Variants in PRR33 observed in about 807,000 individuals in gnomAD.
PRR33 encodes the protein proline rich 33, also known as proline-rich protein 33.
PRR33 carries 1 observed loss-of-function variant against 0.5 expected under a neutral mutation model. That is an observed-to-expected ratio of 2.18 (90% CI 0.77 to 10.34). The LOEUF (loss-of-function observed/expected upper bound fraction) is 10.34. Ranked by LOEUF, PRR33 falls within the 30% of genes most tolerant of loss-of-function variation. PRR33 has a pLI of 0.13. For synonymous variants in PRR33, 226 were observed against 110.0 expected, an observed-to-expected ratio of 2.06 and a Z score of -6.60; for missense variants, 552 against 251.8, an observed-to-expected ratio of 2.19 and a Z score of -8.07.
the PRR33 span, chr11:1,903,384 A>G: frequency 6.6e-6 from 1 of 152,012 alleles, no homozygotes; most frequent in East Asian, 1.9e-4. Flanking sequence ...GGGCTTAAGC[A>G]ATCTTCCCAC....
chr11:1,907,473 G>C, the PRR33 span, among the ~76,000 whole-genome samples: 5 of 152,170 alleles, frequency 3.3e-5, no homozygotes, highest in African/African-American at 9.7e-5. Flanking sequence ...GTGCAGTGGC[G>C]CAATCTTGGC....
chr11:1,910,568 C>T, the PRR33 span, among the ~76,000 whole-genome samples: 1 of 152,116 alleles, frequency 6.6e-6, no homozygotes, highest in African/African-American at 2.4e-5. Flanking sequence ...ATTTTCAAGA[C>T]ACCCTTTTAA....
exon 1 of PRR33, chr11:1,889,128 G>T: frequency 1.6e-6 from 1 of 627,824 alleles, no homozygotes. Flanking sequence ...TGGGCTCTGG[G>T]GGCCATTCTG....
the PRR33 span, among the ~76,000 whole-genome samples, chr11:1,900,449 C>T: frequency 1.3e-5 from 2 of 152,034 alleles, no homozygotes; most frequent in African/African-American, 4.8e-5. Flanking sequence ...GAATTTTTAC[C>T]CAGTCCAAAT....
At chr11:1,917,313 C>T in the PRR33 span, among the ~76,000 whole-genome samples, 4,910 of 152,288 alleles carry the variant, frequency 0.032, 259 homozygotes, top group African/African-American at 0.11. Context: ...GGGCCCCGGC[C>T]ACCATCTGGG....
At chr11:1,890,236 T>C in exon 1 of PRR33, 1 of 714,022 alleles carries the variant, frequency 1.4e-6, no homozygotes, top group Non-Finnish European at 2.6e-6. Flanking sequence ...ATGATGGGGG[T>C]GTGCGGGGAG....
At chr11:1,914,247 TAG>T in the PRR33 span, among the ~76,000 whole-genome samples, 220 of 147,356 alleles carry the variant, frequency 1.5e-3, no homozygotes, top group Non-Finnish European at 2.8e-3. Context: ...GTGTGTGTTG[TAG>T]GGTCACACAT....
chr11:1,910,656 G>A, the PRR33 span, among the ~76,000 whole-genome samples: 7 of 152,320 alleles, frequency 4.6e-5, no homozygotes, highest in South Asian at 2.1e-4. Context: ...CGACTTGGGC[G>A]TCCAGTGACA....
the PRR33 span, among the ~76,000 whole-genome samples, chr11:1,898,380 C>T: frequency 4.6e-5 from 7 of 152,196 alleles, no homozygotes; most frequent in African/African-American, 9.6e-5. Context: ...AGATTACAGG[C>T]GCCCGCCATC....
chr11:1,905,976 G>C, the PRR33 span, among the ~76,000 whole-genome samples: 2 of 150,896 alleles, frequency 1.3e-5, no homozygotes, highest in African/African-American at 4.9e-5. Flanking sequence ...ATGCCACCAC[G>C]CCCAGCTAAA....
chr11:1,897,010 A>G, the PRR33 span, among the ~76,000 whole-genome samples: 2 of 152,336 alleles, frequency 1.3e-5, no homozygotes, highest in East Asian at 1.9e-4. This position sits in a 1 kb window ranked among gnomAD's most constrained non-coding sequence, Gnocchi z 4.0. Flanking sequence ...GTGGCTGAAG[A>G]TTGGTGGACA....
chr11:1,915,036 T>A, the PRR33 span, among the ~76,000 whole-genome samples: 3 of 147,610 alleles, frequency 2.0e-5, no homozygotes, highest in Admixed American at 2.0e-4. Flanking sequence ...GACACACGGA[T>A]GATGTTTGTG....
At chr11:1,892,347 T>C (rs916336787), upstream of PRR33, 7 of 152,308 alleles carry the variant, frequency 4.6e-5, no homozygotes, top group African/African-American at 1.4e-4. Flanking sequence ...ATTCCCACAC[T>C]GCACAGCATG....
chr11:1,901,102 G>T, the PRR33 span, among the ~76,000 whole-genome samples: 1 of 152,176 alleles, frequency 6.6e-6, no homozygotes, highest in South Asian at 2.1e-4. Flanking sequence ...ACAAGGTCAG[G>T]AGTTCCAGAC....
the PRR33 span, among the ~76,000 whole-genome samples, chr11:1,915,531 C>G: frequency 5.4e-5 from 4 of 74,252 alleles, no homozygotes; most frequent in African/African-American, 6.0e-5. Context: ...TGGGATGTTT[C>G]TGTGTGTGTG....
the PRR33 span, among the ~76,000 whole-genome samples, chr11:1,902,013 A>G: frequency 6.6e-6 from 1 of 152,022 alleles, no homozygotes; most frequent in Non-Finnish European, 1.5e-5. Flanking sequence ...CGGGTGGATC[A>G]TGAGGTCAGG....
chr11:1,907,409 C>G, the PRR33 span, among the ~76,000 whole-genome samples: 1 of 152,180 alleles, frequency 6.6e-6, no homozygotes, highest in African/African-American at 2.4e-5. Context: ...GCACACATCT[C>G]TCTAGCTTAT....
At chr11:1,905,415 C>A in the PRR33 span, among the ~76,000 whole-genome samples, 3 of 149,000 alleles carry the variant, frequency 2.0e-5, no homozygotes, top group Non-Finnish European at 4.4e-5. Flanking sequence ...GCGTGAGCCA[C>A]CGCGCCCGGC....
At chr11:1,904,729 G>A in the PRR33 span, among the ~76,000 whole-genome samples, 4 of 151,260 alleles carry the variant, frequency 2.6e-5, no homozygotes, top group African/African-American at 9.7e-5. Context: ...GGCTAGTCTC[G>A]AACTCCTGAC....
Sources: gnomAD v4.1 joint callset for allele counts (sites outside exome capture counted in the v4.1 genomes callset) on GRCh38, gnomAD v4.1.1 for gene constraint, Gnocchi (gnomAD v3.1) non-coding constraint, MANE v1.5 for transcripts, NCBI Gene and HGNC (gene_info 2026-07-23, HGNC 2026-07-21) for gene names.